RABGAP1: variants seen among roughly 807,000 people sequenced by gnomAD.
The protein encoded by RABGAP1 is rab GTPase-activating protein 1.
A neutral mutation model predicts 137.6 loss-of-function variants in RABGAP1; 23 were observed. That is an observed-to-expected ratio of 0.17 (90% CI 0.12 to 0.24). The LOEUF (loss-of-function observed/expected upper bound fraction) is 0.24. RABGAP1 is among the 10% of genes least tolerant of loss of function. RABGAP1 has a pLI of 1.00. For missense variants in RABGAP1, 906 were observed against 1,275.8 expected, an observed-to-expected ratio of 0.71 and a Z score of 4.42; for synonymous variants, 451 against 450.7, an observed-to-expected ratio of 1.00 and a Z score of -0.01.
upstream of RABGAP1, chr9:122,939,172 A>T (rs1236419229): frequency 6.6e-6 from 1 of 152,164 alleles, no homozygotes; most frequent in Non-Finnish European, 1.5e-5. Flanking sequence ...TGTGAATGTG[A>T]TCTAGGAATT....
At position 123,074,416 on chromosome 9, in the gene RABGAP1, G is replaced by A; in HGVS notation, c.2241G>A (p.Leu747=). ...ACATGGTCTTCCATATCATCGACCT[G>A]CTTTTATGTGAGGTATGTATCAGAG... ...PLYMVFHIID[L]LLCEGISVIF... The change falls in exon 17 of 26, where the codon CTG becomes CTA. Residue 747 remains leucine, a synonymous_variant. Transcript: ENST00000373647. 6.2e-7 allele frequency: 1 copy of A among 1,612,760 alleles called. No homozygotes were observed. Among genetic ancestry groups the A allele is most frequent in the South Asian group, 1.1e-5 (1 of 90,922 alleles).
intron 2 of RABGAP1, among the ~76,000 whole-genome samples, chr9:122,981,289 G>A (rs1179514852): frequency 2.0e-5 from 3 of 152,126 alleles, no homozygotes; most frequent in Non-Finnish European, 4.4e-5. Flanking sequence ...GCCTCTCCAA[G>A]TGCTGGGATT....
intron 21 of RABGAP1, among the ~76,000 whole-genome samples, chr9:123,092,560 C>CTT (rs11396314): frequency 2.9e-3 from 445 of 150,904 alleles, no homozygotes; most frequent in African/African-American, 9.8e-3. Flanking sequence ...AATGCCCAGG[C>CTT]TTTTTTTTTA....
Position 123,100,096 on chromosome 9 carries a change from A to C in RABGAP1, c.2889+547A>C, listed in dbSNP as rs1036278637. 2.6e-5 allele frequency among the ~76,000 whole-genome samples: 4 copies of C among 152,170 alleles called. No individual in the cohort carries two copies. The South Asian group carries it at 6.2e-4, about 24-fold the overall frequency. Reference sequence around the variant, plus strand: ...CCCTCAGCCTGAGCTGCTGGACTCCAGGTGGGCACCATTGCGCCCAGTTTA... The same window carrying C: ...CCCTCAGCCTGAGCTGCTGGACTCCCGGTGGGCACCATTGCGCCCAGTTTA... On this transcript the variant is annotated intron_variant, in intron 24 of 25. Coordinates refer to ENST00000373647, the MANE Select transcript of RABGAP1 (RefSeq NM_012197.4).
intron 1 of RABGAP1, among the ~76,000 whole-genome samples, chr9:122,954,001 T>C (rs1214688437): frequency 2.0e-5 from 3 of 152,206 alleles, no homozygotes; most frequent in Admixed American, 6.5e-5. Flanking sequence ...CCAAAATATA[T>C]GTCAAGCGGT....
chr9:123,052,244 T>C (rs1026067203), intron 13 of RABGAP1, among the ~76,000 whole-genome samples: 4 of 152,190 alleles, frequency 2.6e-5, no homozygotes, highest in Non-Finnish European at 5.9e-5. Flanking sequence ...GTTCCAGACC[T>C]AGCTTCCCAC....
At chr9:122,944,869 G>A (rs767126293) in intron 1 of RABGAP1, among the ~76,000 whole-genome samples, 58 of 151,958 alleles carry the variant, frequency 3.8e-4, no homozygotes, top group Non-Finnish European at 4.6e-4. Context: ...AAGCCACCGC[G>A]CCCGGCCTAA....
At chr9:122,967,342 G>C (rs923697431) in intron 2 of RABGAP1, among the ~76,000 whole-genome samples, 2 of 152,024 alleles carry the variant, frequency 1.3e-5, no homozygotes, top group Admixed American at 6.6e-5. Flanking sequence ...ATAAAATGAG[G>C]GCAGAAAAAT....
chr9:123,054,892 G>A (rs1198057164), intron 13 of RABGAP1, among the ~76,000 whole-genome samples: 1 of 152,060 alleles, frequency 6.6e-6, no homozygotes, highest in African/African-American at 2.4e-5. Flanking sequence ...GACATTAATG[G>A]TACATGCTGT....
chr9:123,011,932 G>T (rs1055889736), intron 11 of RABGAP1, among the ~76,000 whole-genome samples: 3 of 152,144 alleles, frequency 2.0e-5, no homozygotes, highest in Non-Finnish European at 4.4e-5. Context: ...CTCCAGCCTG[G>T]GCAACAAGAG....
upstream of RABGAP1, among the ~76,000 whole-genome samples, chr9:122,936,906 T>G (rs1327846380): frequency 6.6e-6 from 1 of 152,108 alleles, no homozygotes; most frequent in South Asian, 2.1e-4. Context: ...ACCTTAAGCT[T>G]TCACCCGAGG....
At chr9:123,016,188 A>G (rs1177895019) in intron 12 of RABGAP1, among the ~76,000 whole-genome samples, 2 of 152,268 alleles carry the variant, frequency 1.3e-5, no homozygotes, top group Non-Finnish European at 2.9e-5. Context: ...AAGAAGCACT[A>G]TCCTATAGGC....
At chr9:123,010,280 A>G in intron 10 of RABGAP1, 74 bp from the exon 11 acceptor site, 1 of 1,361,680 alleles carries the variant, frequency 7.3e-7, no homozygotes, top group Non-Finnish European at 1.0e-6. Context: ...AATTAAAAAC[A>G]TTAAAAACAC....
chr9:122,999,558 G>C (rs1287672806), intron 10 of RABGAP1, among the ~76,000 whole-genome samples: 2 of 151,884 alleles, frequency 1.3e-5, no homozygotes, highest in South Asian at 2.1e-4. Context: ...GGTATAATGT[G>C]TCATTTTCTT....
At chr9:122,941,773 C>CGTCT (rs377625324) in intron 1 of RABGAP1, among the ~76,000 whole-genome samples, 199 of 152,398 alleles carry the variant, frequency 1.3e-3, no homozygotes, top group African/African-American at 4.6e-3. Context: ...AACCTCAAGA[C>CGTCT]TTCCAGGAGT....
chr9:123,062,110 A>G (rs1401791697), intron 13 of RABGAP1: 1 of 152,282 alleles, frequency 6.6e-6, no homozygotes, highest in Non-Finnish European at 1.5e-5. Context: ...TCTACTAAAA[A>G]TACAAAAATT....
chr9:123,067,862 C>T (rs2132129145), intron 14 of RABGAP1, among the ~76,000 whole-genome samples: 1 of 152,256 alleles, frequency 6.6e-6, no homozygotes, highest in African/African-American at 2.4e-5. Flanking sequence ...GTCCATCAGC[C>T]TGAAAAATAT....
chr9:123,024,487 T>C (rs2031837801), intron 13 of RABGAP1, among the ~76,000 whole-genome samples: 2 of 151,688 alleles, frequency 1.3e-5, no homozygotes, highest in South Asian at 4.2e-4. Flanking sequence ...TCGCCCAGGC[T>C]GGAGTACAGT....
At chr9:123,056,771 G>C (rs549901435) in intron 13 of RABGAP1, among the ~76,000 whole-genome samples, 1 of 151,940 alleles carries the variant, frequency 6.6e-6, no homozygotes, top group Admixed American at 6.6e-5. Context: ...GACACAGCGC[G>C]TTTCAGAGAG....
Sources: allele counts gnomAD v4.1 joint callset (sites outside exome capture counted in the v4.1 genomes callset), GRCh38; gene constraint gnomAD v4.1.1; transcripts MANE v1.5; gene names NCBI Gene and HGNC (gene_info 2026-07-23, HGNC 2026-07-21).